The following NRG1 variants were observed in gnomAD, a reference collection of about 807,000 sequenced individuals.
The protein encoded by NRG1 is neuregulin 1, also known as pro-neuregulin-1, membrane-bound isoform.
A neutral mutation model predicts 63.8 loss-of-function variants in NRG1; 18 were observed. The observed-to-expected ratio is 0.28, with a 90% CI of 0.19 to 0.42. The LOEUF (loss-of-function observed/expected upper bound fraction) is 0.42, where lower values mean the gene tolerates loss of function less well. NRG1 is among the 10% of genes least tolerant of loss of function. NRG1 has a pLI of 1.00. For synonymous variants in NRG1, 302 were observed against 301.3 expected, an observed-to-expected ratio of 1.00 and a Z score of -0.02; for missense variants, 762 against 814.7, an observed-to-expected ratio of 0.94 and a Z score of 0.79.
intron 1 of NRG1, among the ~76,000 whole-genome samples, chr8:32,551,582 C>T (rs1008754646): frequency 6.6e-6 from 1 of 152,210 alleles, no homozygotes; most frequent in African/African-American, 2.4e-5. Flanking sequence ...ATATGCGATA[C>T]ATACATGGCT....
intron 6 of NRG1, among the ~76,000 whole-genome samples, chr8:32,739,771 G>A (rs775915284): frequency 6.6e-6 from 1 of 152,112 alleles, no homozygotes; most frequent in East Asian, 1.9e-4. Context: ...TCTTACTAAC[G>A]TAAGGGCATT....
intron 5 of NRG1, among the ~76,000 whole-genome samples, chr8:32,641,152 C>A (rs921079047): frequency 6.8e-6 from 1 of 147,576 alleles, no homozygotes. Flanking sequence ...TAAATATATA[C>A]ATATATATAT....
chr8:32,612,035 T>A (rs1467035201), intron 3 of NRG1, among the ~76,000 whole-genome samples: 2 of 152,124 alleles, frequency 1.3e-5, no homozygotes, highest in Admixed American at 6.6e-5. Context: ...ATGTTCATTA[T>A]GTTTACTTGC....
chr8:31,748,286 C>T (rs1405306626), intron 1 of NRG1, among the ~76,000 whole-genome samples: 1 of 151,936 alleles, frequency 6.6e-6, no homozygotes, highest in South Asian at 2.1e-4. Context: ...ACATTCTAAA[C>T]ACCTTCTGCC....
At chr8:31,803,857 T>C (rs530411975) in intron 1 of NRG1, among the ~76,000 whole-genome samples, 18 of 152,254 alleles carry the variant, frequency 1.2e-4, no homozygotes, top group African/African-American at 4.1e-4. Context: ...TGGCCTCCTT[T>C]CTTTTCCCCA....
intron 1 of NRG1, among the ~76,000 whole-genome samples, chr8:31,730,409 A>G (rs1352625631): frequency 6.6e-6 from 1 of 152,164 alleles, no homozygotes; most frequent in Non-Finnish European, 1.5e-5. Context: ...TCTCTCTCAC[A>G]GACACATTCA....
At chr8:32,688,549 T>A (rs1317393118) in intron 5 of NRG1, among the ~76,000 whole-genome samples, 1 of 152,190 alleles carries the variant, frequency 6.6e-6, no homozygotes, top group Non-Finnish European at 1.5e-5. Flanking sequence ...GCCTCCCCTC[T>A]GCTCAACCCC....
chr8:32,746,476 A>G (rs1037161997), intron 7 of NRG1, among the ~76,000 whole-genome samples: 4 of 152,164 alleles, frequency 2.6e-5, no homozygotes, highest in South Asian at 2.1e-4. Flanking sequence ...TAATTTTTGT[A>G]AAAGAAAGTT....
intron 1 of NRG1, among the ~76,000 whole-genome samples, chr8:32,500,465 A>T (rs1827737810): frequency 6.6e-6 from 1 of 152,202 alleles, no homozygotes; most frequent in African/African-American, 2.4e-5. Context: ...CGTTGGTGCC[A>T]TATAGTCAAC....
Position 32,742,333 on chromosome 8 carries a change from C to G in NRG1, c.633-342C>G, listed in dbSNP as rs10105155. Among the ~76,000 whole-genome samples, 1 of 151,946 alleles carries G rather than the reference C, an allele frequency of 6.6e-6. No homozygotes were observed. The highest frequency in any genetic ancestry group is 1.5e-5 in the Non-Finnish European group (1 of 67,994). Reference sequence around the variant, plus strand: ...TATTGCAGGCAAGCCAACCGAGAAACATTTTCTTCCAACGTGTGTGACCAA... The same window carrying G: ...TATTGCAGGCAAGCCAACCGAGAAAGATTTTCTTCCAACGTGTGTGACCAA... On this transcript the variant is annotated intron_variant, in intron 6 of 11. Coordinates refer to ENST00000356819, the Ensembl canonical transcript of NRG1. The surrounding 1 kb of genome is among the most constrained non-coding windows in gnomAD (Gnocchi z 4.2).
chr8:32,702,433 A>T (rs771229535), intron 5 of NRG1, among the ~76,000 whole-genome samples: 4 of 152,254 alleles, frequency 2.6e-5, no homozygotes, highest in Non-Finnish European at 4.4e-5. Flanking sequence ...GTGTTGGTAG[A>T]GATTGGCTTT....
chr8:32,383,868 G>T (rs1054632670), intron 1 of NRG1, among the ~76,000 whole-genome samples: 1 of 152,166 alleles, frequency 6.6e-6, no homozygotes, highest in African/African-American at 2.4e-5. Context: ...GCCCCACTTC[G>T]TCTGGTAAAT....
At chr8:32,254,866 A>G (rs1403160931) in intron 1 of NRG1, among the ~76,000 whole-genome samples, 2 of 151,778 alleles carry the variant, frequency 1.3e-5, no homozygotes, top group African/African-American at 4.8e-5. Context: ...TCATATTGGG[A>G]ATCTGGTTGC....
chr8:31,833,437 A>G (rs1490088409), intron 1 of NRG1, among the ~76,000 whole-genome samples: 2 of 152,198 alleles, frequency 1.3e-5, no homozygotes, highest in African/African-American at 4.8e-5. Flanking sequence ...AGTGATTACA[A>G]TTTCTGAAAA....
intron 5 of NRG1, among the ~76,000 whole-genome samples, chr8:32,645,251 T>C (rs1312487857): frequency 6.6e-6 from 1 of 152,222 alleles, no homozygotes; most frequent in Non-Finnish European, 1.5e-5. Flanking sequence ...GCTAGAATCT[T>C]TGTAAGAGAG....
intron 1 of NRG1, among the ~76,000 whole-genome samples, chr8:32,262,915 T>C (rs1209035970): frequency 1.3e-5 from 2 of 152,330 alleles, no homozygotes; most frequent in South Asian, 4.1e-4. Context: ...TGGCCACTCA[T>C]ACCATCCCTT....
intron 1 of NRG1, among the ~76,000 whole-genome samples, chr8:31,885,734 GAA>G (rs1044699696): frequency 6.6e-6 from 1 of 152,062 alleles, no homozygotes; most frequent in African/African-American, 2.4e-5. Flanking sequence ...TGGGAAAAAT[GAA>G]AAGAGTCTTC....
At chr8:32,023,694 C>T (rs1206599901) in intron 1 of NRG1, among the ~76,000 whole-genome samples, 1 of 152,148 alleles carries the variant, frequency 6.6e-6, no homozygotes, top group Admixed American at 6.5e-5. Flanking sequence ...ATTTCAAAAA[C>T]ACCAGGAGAG....
intron 1 of NRG1, among the ~76,000 whole-genome samples, chr8:31,914,638 A>G (rs1439686273): frequency 6.6e-6 from 1 of 152,140 alleles, no homozygotes; most frequent in Non-Finnish European, 1.5e-5. Context: ...GTACCCATAC[A>G]TAATGTTAAG....
Sources: allele counts gnomAD v4.1 joint callset (sites outside exome capture counted in the v4.1 genomes callset), GRCh38; gene constraint gnomAD v4.1.1; non-coding constraint Gnocchi (gnomAD v3.1); transcripts MANE v1.5; gene names NCBI Gene and HGNC (gene_info 2026-07-23, HGNC 2026-07-21).